LYRM4: variants seen among roughly 807,000 people sequenced by gnomAD.
LYRM4 encodes LYR motif-containing protein 4.
A neutral mutation model predicts 11.7 loss-of-function variants in LYRM4; 9 were observed. The observed-to-expected ratio is 0.77, with a 90% CI of 0.46 to 1.34. LYRM4 has a LOEUF of 1.34. Ranked by LOEUF, LYRM4 falls within the 40% of genes most tolerant of loss-of-function variation. The pLI is 0.00. For missense variants in LYRM4, 133 were observed against 112.5 expected (o/e 1.18, Z -0.82); for synonymous variants, 42 against 40.4 (o/e 1.04, Z -0.15).
the LYRM4 span, among the ~76,000 whole-genome samples, chr6:5,047,297 G>C: frequency 6.6e-6 from 1 of 152,182 alleles, no homozygotes; most frequent in Non-Finnish European, 1.5e-5. Context: ...AACTTCCCCA[G>C]TCTTAGCACT....
the LYRM4 span, among the ~76,000 whole-genome samples, chr6:5,083,812 T>C: frequency 1.3e-5 from 2 of 152,196 alleles, no homozygotes; most frequent in Admixed American, 6.5e-5. Context: ...GAAGCCCCAA[T>C]TAATTACGTT....
chr6:5,149,317 C>T (rs1251508234), intron 2 of LYRM4, among the ~76,000 whole-genome samples: 1 of 152,184 alleles, frequency 6.6e-6, no homozygotes, highest in Non-Finnish European at 1.5e-5. Flanking sequence ...GCCCTTCAAC[C>T]CAGGATCGGT....
the LYRM4 span, among the ~76,000 whole-genome samples, chr6:5,075,942 T>A: frequency 4.9e-5 from 3 of 61,836 alleles, no homozygotes; most frequent in Non-Finnish European, 1.3e-4. Context: ...GGTTTATGTA[T>A]TTTTTTTTTT....
intron 2 of LYRM4, among the ~76,000 whole-genome samples, chr6:5,192,751 C>G (rs934186969): frequency 1.3e-5 from 2 of 152,210 alleles, no homozygotes; most frequent in African/African-American, 4.8e-5. Flanking sequence ...TAGGGCCTGG[C>G]GCGGTGGCCC....
At chr6:5,032,746 C>G in the LYRM4 span, 1 of 152,104 alleles carries the variant, frequency 6.6e-6, no homozygotes, top group Non-Finnish European at 1.5e-5. Context: ...TTCATCCGGA[C>G]GGGGATGGAG....
chr6:5,101,968 C>CATTTTTTTTTTTTTTTTTTTTTTTTT (rs556454653), downstream of LYRM4, among the ~76,000 whole-genome samples: 12 of 67,988 alleles, frequency 1.8e-4, 2 homozygotes, highest in African/African-American at 5.5e-4. Context: ...CTAATGCTTT[C>CATTTTTTTTTTTTTTTTTTTTTTTTT]TTTTTTTTTT....
rs777995486 is a variant in LYRM4, at chr6:5,256,490, G to GAAAAAAAAAAAA, written c.86+4157_86+4158insTTTTTTTTTTTT. The stretch of plus-strand genomic sequence containing the variant: ...GGGCAACAAGGGCAAGATTTCAACT[G>GAAAAAAAAAAAA]GAAAAAAAAAAAAAAAAAAAAAAAA... On this transcript the variant is annotated intron_variant, in intron 1 of 2. Coordinates refer to ENST00000330636, the MANE Select transcript of LYRM4 (RefSeq NM_020408.6). Among the ~76,000 whole-genome samples, 136 of 37,522 alleles carry GAAAAAAAAAAAA rather than the reference G, an allele frequency of 3.6e-3. 46 individuals are homozygous for GAAAAAAAAAAAA. The highest frequency in any genetic ancestry group is 0.019 in the Middle Eastern group (1 of 52). 24.6% of individuals were successfully genotyped at this position (37,522 alleles called of 152,430 possible).
chr6:5,057,784 A>C, the LYRM4 span, among the ~76,000 whole-genome samples: 1 of 150,470 alleles, frequency 6.6e-6, no homozygotes. Flanking sequence ...TCTTAAAGAG[A>C]CAGGGTCTCT....
At chr6:5,131,816 AG>A (rs1763967925) in intron 2 of LYRM4, among the ~76,000 whole-genome samples, 1 of 152,230 alleles carries the variant, frequency 6.6e-6, no homozygotes, top group African/African-American at 2.4e-5. Flanking sequence ...GCAATCATTA[AG>A]AACGACATTA....
intron 2 of LYRM4, among the ~76,000 whole-genome samples, chr6:5,194,933 A>G (rs1431752338): frequency 6.6e-6 from 1 of 152,220 alleles, no homozygotes; most frequent in African/African-American, 2.4e-5. Context: ...GGCTTTACAG[A>G]ATTCAGGTAT....
At chr6:5,060,306 T>C in the LYRM4 span, among the ~76,000 whole-genome samples, 2 of 152,348 alleles carry the variant, frequency 1.3e-5, no homozygotes, top group Admixed American at 1.3e-4. Context: ...GTGTTGATTG[T>C]CTTTTGGATT....
rs9392658 is a variant in LYRM4, at chr6:5,172,279, T to C, written c.207+44339A>G. Among the ~76,000 whole-genome samples the C allele has an allele frequency of 1.1e-3, 165 of 152,296 alleles. 3 individuals are homozygous for C. In the East Asian group the frequency reaches 0.031, roughly 29 times the overall value. Reference sequence around the variant, plus strand: ...TGGGAAAGCACGCTGTAACACGAGCTGCACAGCACGGAAGAGCATCACCTG... The same window carrying C: ...TGGGAAAGCACGCTGTAACACGAGCCGCACAGCACGGAAGAGCATCACCTG... On this transcript the variant is annotated intron_variant, in intron 2 of 2. Transcript: ENST00000330636.
At chr6:5,057,124 A>G in the LYRM4 span, among the ~76,000 whole-genome samples, 15 of 152,304 alleles carry the variant, frequency 9.8e-5, no homozygotes, top group Middle Eastern at 3.4e-3. Flanking sequence ...GTGTCCACAA[A>G]GTTAAAAAGG....
At chr6:5,138,686 C>A (rs932723384) in intron 2 of LYRM4, 5 of 1,517,998 alleles carry the variant, frequency 3.3e-6, no homozygotes, top group African/African-American at 1.4e-5. Context: ...AAGAAAATAT[C>A]AAGATGCAAT....
intron 2 of LYRM4, among the ~76,000 whole-genome samples, chr6:5,127,852 A>C (rs7740435): frequency 0.1 from 15,599 of 152,202 alleles, 860 homozygotes; most frequent in Middle Eastern, 0.16. Context: ...GGGTTTTTTA[A>C]AACCTGTGAT....
At chr6:5,035,605 C>CCCCT in the LYRM4 span, among the ~76,000 whole-genome samples, 1 of 76 alleles carries the variant, frequency 0.013, no homozygotes, top group Non-Finnish European at 0.062. Context: ...TTCCCCTCCT[C>CCCCT]CCCTCCCTCC....
chr6:5,148,047 C>T (rs414986), intron 2 of LYRM4, among the ~76,000 whole-genome samples: 142,598 of 152,218 alleles, frequency 0.94, 66,920 homozygotes, highest in African/African-American at 0.99. Flanking sequence ...TGCCCTCCCC[C>T]ACTCTCCCTT....
At chr6:5,061,476 C>T in the LYRM4 span, among the ~76,000 whole-genome samples, 1 of 152,228 alleles carries the variant, frequency 6.6e-6, no homozygotes, top group African/African-American at 2.4e-5. Context: ...TTAATCCTAT[C>T]TATGTCATAA....
the LYRM4 span, among the ~76,000 whole-genome samples, chr6:5,044,334 T>C: frequency 6.6e-6 from 1 of 152,040 alleles, no homozygotes; most frequent in Non-Finnish European, 1.5e-5. Flanking sequence ...TTTCACCATG[T>C]TGGCCAGGCT....
Sources: allele counts gnomAD v4.1 joint callset (sites outside exome capture counted in the v4.1 genomes callset), GRCh38; gene constraint gnomAD v4.1.1; transcripts MANE v1.5; gene names NCBI Gene and HGNC (gene_info 2026-07-23, HGNC 2026-07-21).